The following SNTB1 variants were observed in gnomAD, a reference collection of about 807,000 sequenced individuals.
The protein encoded by SNTB1 is syntrophin beta 1.
A neutral mutation model predicts 48.9 loss-of-function variants in SNTB1; 36 were observed. That is an observed-to-expected ratio of 0.74 (90% CI 0.56 to 0.97). SNTB1 has a LOEUF of 0.97. Among genes scored for constraint, SNTB1 ranks in the 50% least tolerant of loss-of-function variants. The pLI, the probability that SNTB1 is intolerant of heterozygous loss-of-function variation, is 0.00. For missense variants in SNTB1, 786 were observed against 703.4 expected (o/e 1.12, Z -1.33); for synonymous variants, 299 against 294.6 (o/e 1.01, Z -0.15).
chr8:120,562,271 C>T (rs1432596464), intron 4 of SNTB1, among the ~76,000 whole-genome samples: 1 of 152,146 alleles, frequency 6.6e-6, no homozygotes, highest in East Asian at 1.9e-4. Context: ...ATACTACCGC[C>T]CCCTTTGTTC....
chr8:120,595,180 A>T (rs1439729066), intron 3 of SNTB1, among the ~76,000 whole-genome samples: 2 of 152,104 alleles, frequency 1.3e-5, no homozygotes, highest in Non-Finnish European at 2.9e-5. Flanking sequence ...TCCATCTTGA[A>T]TAGGAGCTGG....
chr8:120,636,049 GC>G, intron 2 of SNTB1: 2 of 921,480 alleles, frequency 2.2e-6, no homozygotes, highest in Non-Finnish European at 1.5e-6. Flanking sequence ...AGAACTCAAG[GC>G]TTTTTTTTTT....
intron 4 of SNTB1, among the ~76,000 whole-genome samples, chr8:120,566,921 C>G (rs1217718456): frequency 6.6e-6 from 1 of 152,094 alleles, no homozygotes; most frequent in African/African-American, 2.4e-5. Context: ...ATTTATTTGT[C>G]AGGAAAGAAA....
chr8:120,593,901 T>C (rs1161008881), intron 3 of SNTB1, among the ~76,000 whole-genome samples: 1 of 152,182 alleles, frequency 6.6e-6, no homozygotes, highest in African/African-American at 2.4e-5. Context: ...GGGATCTTTC[T>C]TAAAATGGCA....
chr8:120,740,750 T>C (rs1166450188), intron 1 of SNTB1, among the ~76,000 whole-genome samples: 1 of 149,618 alleles, frequency 6.7e-6, no homozygotes, highest in Non-Finnish European at 1.5e-5. Flanking sequence ...AGTTATTTTC[T>C]TTTCTTCTTC....
Position 120,562,570 on chromosome 8 carries a change from A to T in SNTB1, c.1136+12516T>A, listed in dbSNP as rs541630332. Among the ~76,000 whole-genome samples the T allele has an allele frequency of 2.6e-5, 4 of 152,218 alleles. No individual in the cohort carries two copies. In the East Asian group the frequency reaches 7.7e-4, roughly 29 times the overall value. Reference sequence around the variant, plus strand: ...CAGCATGTAGATTATTGGGCATGTAAATTTCTTCATGTCACCCCAGGCAAT... The same window carrying T: ...CAGCATGTAGATTATTGGGCATGTATATTTCTTCATGTCACCCCAGGCAAT... On this transcript the variant is annotated intron_variant, in intron 4 of 6. Transcript: ENST00000517992.
intron 1 of SNTB1, among the ~76,000 whole-genome samples, chr8:120,754,431 C>T (rs577556423): frequency 2.0e-5 from 3 of 152,108 alleles, no homozygotes; most frequent in South Asian, 2.1e-4. Flanking sequence ...CTATAGTGAG[C>T]TGTGATTGTG....
chr8:120,647,422 T>C (rs1276717929), intron 2 of SNTB1, among the ~76,000 whole-genome samples: 1 of 149,424 alleles, frequency 6.7e-6, no homozygotes, highest in Non-Finnish European at 1.5e-5. Flanking sequence ...TTTCGTTATG[T>C]ACCCAGTAGT....
At chr8:120,694,839 T>C (rs1384168415) in intron 1 of SNTB1, among the ~76,000 whole-genome samples, 3 of 152,138 alleles carry the variant, frequency 2.0e-5, no homozygotes, top group Non-Finnish European at 2.9e-5. Flanking sequence ...TACTATTTAT[T>C]TATTACTCTT....
chr8:120,679,574 CTCCTGCCAAT>C (rs1174093683), intron 2 of SNTB1, among the ~76,000 whole-genome samples: 7 of 152,226 alleles, frequency 4.6e-5, no homozygotes, highest in Non-Finnish European at 1.0e-4. Flanking sequence ...TCATCACCAA[CTCCTGCCAAT>C]TCTATCTGTT....
chr8:120,626,477 T>C (rs940987081), intron 3 of SNTB1, among the ~76,000 whole-genome samples: 3 of 152,202 alleles, frequency 2.0e-5, no homozygotes, highest in African/African-American at 4.8e-5. Flanking sequence ...CAATTATATA[T>C]GCATAGGGAG....
rs373205052 is a variant in SNTB1, at chr8:120,785,929, A to G, written c.571+25344T>C. On this transcript the variant is annotated intron_variant, in intron 1 of 6. Transcript: ENST00000517992. The stretch of plus-strand genomic sequence containing the variant: ...GCCTGCATTACGCTGGCTAACCAGG[A>G]GGTCTTGAGTCTGTCCATGTGCCCA... 2.3e-3 allele frequency among the ~76,000 whole-genome samples: 356 copies of G among 152,348 alleles called. 1 individual carries two copies. The highest frequency in any genetic ancestry group is 8.2e-3 in the African/African-American group (341 of 41,586).
chr8:120,610,642 T>A (rs959573467), intron 3 of SNTB1, among the ~76,000 whole-genome samples: 2 of 152,146 alleles, frequency 1.3e-5, no homozygotes, highest in Non-Finnish European at 2.9e-5. Context: ...GAGGGCCAAG[T>A]GGGCAACTTG....
Position 120,567,563 on chromosome 8 carries a change from G to C in SNTB1, c.1136+7523C>G, listed in dbSNP as rs147190326. On this transcript the variant is annotated intron_variant, in intron 4 of 6. Coordinates refer to ENST00000517992, the MANE Select transcript of SNTB1 (RefSeq NM_021021.4). ...AGCCTCTTAAGTCACTGGGACTACA[G>C]GTGTGCACCACCATGCATGGCTAAT... 2.7e-3 allele frequency among the ~76,000 whole-genome samples: 415 copies of C among 152,024 alleles called. 2 individuals are homozygous for C. Among genetic ancestry groups the C allele is most frequent in the African/African-American group, 9.6e-3 (400 of 41,478 alleles).
chr8:120,541,915 G>A lies in SNTB1; in HGVS notation c.1419C>T (p.Ala473=), dbSNP rs1815294612. 1 of 1,613,900 alleles carries A rather than the reference G, an allele frequency of 6.2e-7. No homozygotes were observed. The highest frequency in any genetic ancestry group is 8.5e-7 in the Non-Finnish European group (1 of 1,179,854). ...FSITTEPQEG[A]FPKTIIQSPY... Reference sequence around the variant, plus strand: ...GAGACTGTATGATGGTCTTGGGAAAGGCACCCTCCTGTGGTTCAGTGGTAA... The same window carrying A: ...GAGACTGTATGATGGTCTTGGGAAAAGCACCCTCCTGTGGTTCAGTGGTAA... Residue 473 remains alanine, a synonymous_variant, in exon 6 of 7, where the codon GCC becomes GCT. Coordinates refer to ENST00000517992, the MANE Select transcript of SNTB1 (RefSeq NM_021021.4).
intron 2 of SNTB1, among the ~76,000 whole-genome samples, chr8:120,676,984 A>G (rs1268079139): frequency 6.6e-6 from 1 of 151,530 alleles, no homozygotes; most frequent in Non-Finnish European, 1.5e-5. Context: ...GAATCGCTGG[A>G]GCCCAGGAGG....
chr8:120,657,250 T>C (rs1817517062), intron 2 of SNTB1, among the ~76,000 whole-genome samples: 4 of 152,220 alleles, frequency 2.6e-5, no homozygotes, highest in Non-Finnish European at 4.4e-5. Flanking sequence ...TAGGCCCCAG[T>C]GTACAATTTT....
At chr8:120,768,174 C>T (rs1248868725) in intron 1 of SNTB1, among the ~76,000 whole-genome samples, 1 of 152,146 alleles carries the variant, frequency 6.6e-6, no homozygotes, top group African/African-American at 2.4e-5. Flanking sequence ...GAACATCTTA[C>T]CTGGAAAAGA....
intron 1 of SNTB1, among the ~76,000 whole-genome samples, chr8:120,750,368 C>T (rs995265217): frequency 7.9e-5 from 12 of 152,118 alleles, no homozygotes; most frequent in Admixed American, 2.6e-4. Context: ...CTCCTAACTG[C>T]CCCAACACCG....
Sources: allele counts gnomAD v4.1 joint callset (sites outside exome capture counted in the v4.1 genomes callset), GRCh38; gene constraint gnomAD v4.1.1; transcripts MANE v1.5; gene names NCBI Gene and HGNC (gene_info 2026-07-23, HGNC 2026-07-21).